Variants in SORCS3 observed in about 807,000 individuals in gnomAD.
SORCS3 encodes the protein VPS10 domain-containing receptor SorCS3.
SORCS3 carries 57 observed loss-of-function variants against 146.3 expected under a neutral mutation model. That is an observed-to-expected ratio of 0.39 (90% confidence interval 0.31 to 0.49). The LOEUF is 0.49. Among genes scored for constraint, SORCS3 ranks in the 20% least tolerant of loss-of-function variants. SORCS3 has a pLI of 0.92. For missense variants in SORCS3, 1,341 were observed against 1,575.5 expected, an observed-to-expected ratio of 0.85 and a Z score of 2.52; for synonymous variants, 653 against 618.5, an observed-to-expected ratio of 1.06 and a Z score of -0.83.
chr10:104,679,895 T>A (rs1380914771), intron 1 of SORCS3, among the ~76,000 whole-genome samples: 4 of 152,200 alleles, frequency 2.6e-5, no homozygotes, highest in Admixed American at 6.5e-5. Context: ...TGTGTTTTTT[T>A]AATTAAACTG....
intron 3 of SORCS3, among the ~76,000 whole-genome samples, chr10:104,970,677 T>C (rs1441872242): frequency 6.6e-6 from 1 of 152,204 alleles, no homozygotes; most frequent in East Asian, 1.9e-4. Flanking sequence ...AAAAATTTGC[T>C]GATAACTAGT....
chr10:105,245,581 C>G lies in SORCS3; in HGVS notation c.2908C>G (p.Leu970Val). 1 of 1,614,088 alleles carries G rather than the reference C, an allele frequency of 6.2e-7. No homozygotes were observed. Among genetic ancestry groups the G allele is most frequent in the South Asian group, 1.1e-5 (1 of 91,076 alleles). The change falls in exon 21 of 27, where the codon CTT becomes GTT. Residue 970 changes from leucine to valine, a missense_variant. Coordinates refer to ENST00000369701, the MANE Select transcript of SORCS3 (RefSeq NM_014978.3). Reference sequence around the variant, plus strand: ...GGACAGCAGCATTTCCTTCACATTCCTTGCAGAAGGAACCGACACCATCAC... The same window carrying G: ...GGACAGCAGCATTTCCTTCACATTCGTTGCAGAAGGAACCGACACCATCAC... ...TLDSSISFTF[L>V]AEGTDTITVQ... is the part of the protein sequence containing the mutation.
At chr10:104,978,134 G>A (rs1006255566) in intron 4 of SORCS3, among the ~76,000 whole-genome samples, 3 of 152,174 alleles carry the variant, frequency 2.0e-5, no homozygotes, top group African/African-American at 4.8e-5. Context: ...CATAGTAAAC[G>A]AAAGTACAGA....
At chr10:105,004,926 C>T (rs2055085694) in intron 4 of SORCS3, among the ~76,000 whole-genome samples, 1 of 152,150 alleles carries the variant, frequency 6.6e-6, no homozygotes, top group East Asian at 1.9e-4. Context: ...GCATGAAATA[C>T]TTACTGAACT....
chr10:105,188,421 C>G (rs1476086449), intron 14 of SORCS3, among the ~76,000 whole-genome samples: 5 of 152,134 alleles, frequency 3.3e-5, no homozygotes, highest in African/African-American at 4.8e-5. Flanking sequence ...CACTCTTACT[C>G]TCCCTTTGAG....
At chr10:104,664,233 G>T (rs1228288786) in intron 1 of SORCS3, among the ~76,000 whole-genome samples, 2 of 152,170 alleles carry the variant, frequency 1.3e-5, no homozygotes, top group Non-Finnish European at 2.9e-5. Context: ...TGGGGGAATT[G>T]TCAGCCATCC....
chr10:105,250,293 A>G (rs1201972884), intron 22 of SORCS3, among the ~76,000 whole-genome samples: 1 of 152,108 alleles, frequency 6.6e-6, no homozygotes, highest in Non-Finnish European at 1.5e-5. Context: ...GGGTGCAAAA[A>G]CATTCAGATC....
chr10:104,990,165 G>T (rs1434296451), intron 4 of SORCS3, among the ~76,000 whole-genome samples: 1 of 152,174 alleles, frequency 6.6e-6, no homozygotes, highest in East Asian at 1.9e-4. Flanking sequence ...CTTAGCCAAA[G>T]ATAGCAGAAT....
chr10:104,790,880 T>C (rs1357703922), intron 1 of SORCS3, among the ~76,000 whole-genome samples: 1 of 152,232 alleles, frequency 6.6e-6, no homozygotes, highest in Non-Finnish European at 1.5e-5. Context: ...CTCAACCCTC[T>C]CTTCTTTGTT....
In SORCS3 at chr10:104,986,873, A is replaced by G. The variant is rs1049492554; in HGVS notation, c.954+9380A>G. Among the ~76,000 whole-genome samples, 9 of 152,340 alleles carry G rather than the reference A, an allele frequency of 5.9e-5. No individual in the cohort carries two copies. In the East Asian group the frequency reaches 1.2e-3, roughly 20 times the overall value. On this transcript the variant is annotated intron_variant, in intron 4 of 26. Transcript: ENST00000369701. ...CAAAGAACACTGATCACAGATCATC[A>G]TAACAGATATAATAATAATGAAAAA...
chr10:105,214,827 G>T (rs2056655854), intron 18 of SORCS3, among the ~76,000 whole-genome samples: 1 of 152,212 alleles, frequency 6.6e-6, no homozygotes, highest in Non-Finnish European at 1.5e-5. Flanking sequence ...AGTCCGCAGT[G>T]GGAGCCCACT....
rs145325551 is a variant in SORCS3 at position 105,094,348 on chromosome 10, A to C, written c.1093+4509A>C. On this transcript the variant is annotated intron_variant, in intron 6 of 26. Coordinates refer to ENST00000369701, the MANE Select transcript of SORCS3 (RefSeq NM_014978.3). ...TATGCCAAAAACTCACTGTGTGTAC[A>C]TTGAAAAATATGTTTGTATTAAAAA... Among the ~76,000 whole-genome samples, 36 of 152,332 alleles carry C rather than the reference A, an allele frequency of 2.4e-4. 3 individuals are homozygous for C. Among genetic ancestry groups the C allele is most frequent in the East Asian group, 2.3e-3 (12 of 5,188 alleles).
At chr10:104,721,789 G>C (rs1254119962) in intron 1 of SORCS3, among the ~76,000 whole-genome samples, 1 of 151,928 alleles carries the variant, frequency 6.6e-6, no homozygotes, top group Non-Finnish European at 1.5e-5. Context: ...GTCTGTTATT[G>C]GTGTATAAGA....
intron 4 of SORCS3, among the ~76,000 whole-genome samples, chr10:105,019,971 A>G (rs754238411): frequency 7.2e-5 from 11 of 152,220 alleles, no homozygotes; most frequent in Admixed American, 3.3e-4. Context: ...ATAGAAATAC[A>G]TTCACTTCTC....
At chr10:104,736,546 T>G (rs186530149) in intron 1 of SORCS3, among the ~76,000 whole-genome samples, 1 of 152,310 alleles carries the variant, frequency 6.6e-6, no homozygotes, top group Non-Finnish European at 1.5e-5. Flanking sequence ...AATTTAACCG[T>G]CATGGTTTTG....
At chr10:104,978,380 T>C (rs1194604413) in intron 4 of SORCS3, among the ~76,000 whole-genome samples, 1 of 152,200 alleles carries the variant, frequency 6.6e-6, no homozygotes, top group Non-Finnish European at 1.5e-5. Flanking sequence ...GACCTCCTTC[T>C]TGAGCTCCAA....
At chr10:105,153,929 G>T (rs763416417) in intron 9 of SORCS3, among the ~76,000 whole-genome samples, 5 of 151,774 alleles carry the variant, frequency 3.3e-5, no homozygotes, top group Non-Finnish European at 7.4e-5. Context: ...AAATAACTGG[G>T]CATAGTGACA....
At chr10:104,676,891 C>T (rs976721108) in intron 1 of SORCS3, among the ~76,000 whole-genome samples, 1 of 152,144 alleles carries the variant, frequency 6.6e-6, no homozygotes, top group Non-Finnish European at 1.5e-5. Flanking sequence ...TGTGCCTTCT[C>T]TCCACTTCCA....
chr10:104,928,575 T>C (rs1182670709), intron 3 of SORCS3, among the ~76,000 whole-genome samples: 3 of 152,002 alleles, frequency 2.0e-5, no homozygotes, highest in African/African-American at 4.8e-5. Flanking sequence ...CTGGCATGCA[T>C]GCCTCCTCGC....
Sources: allele counts gnomAD v4.1 joint callset (sites outside exome capture counted in the v4.1 genomes callset), GRCh38; gene constraint gnomAD v4.1.1; transcripts MANE v1.5; gene names NCBI Gene and HGNC (gene_info 2026-07-23, HGNC 2026-07-21).